The following CATSPER4 variants were observed in gnomAD, a reference collection of about 807,000 sequenced individuals.
CATSPER4 encodes the protein cation channel sperm-associated protein 4.
A neutral mutation model predicts 54.4 loss-of-function variants in CATSPER4; 46 were observed. That is an observed-to-expected ratio of 0.84 (90% CI 0.67 to 1.08). The LOEUF is 1.08. CATSPER4 is among the 50% of genes least tolerant of loss of function. The pLI, the probability that CATSPER4 is intolerant of heterozygous loss-of-function variation, is 0.00. For synonymous variants in CATSPER4, 230 were observed against 231.9 expected (o/e 0.99, Z 0.08); for missense variants, 574 against 612.8 (o/e 0.94, Z 0.67).
chr1:26,200,372 A>G (rs994791011), intron 7 of CATSPER4, among the ~76,000 whole-genome samples: 4 of 152,180 alleles, frequency 2.6e-5, no homozygotes, highest in Admixed American at 2.0e-4. Context: ...CTTAACTCAT[A>G]GGGTTATTTT....
intron 2 of CATSPER4, 101 bp downstream of exon 2, chr1:26,191,531 T>C: frequency 7.4e-7 from 1 of 1,356,908 alleles, no homozygotes; most frequent in Non-Finnish European, 1.0e-6. Flanking sequence ...GATGGTTGGA[T>C]TGGATGCTCT....
Position 26,198,014 on chromosome 1 carries a change from C to T in CATSPER4, c.615C>T (p.Arg205=), listed in dbSNP as rs759483299. The T allele has an allele frequency of 3.6e-5, 58 of 1,613,956 alleles. No homozygotes were observed. The highest frequency in any genetic ancestry group is 1.1e-4 in the South Asian group (10 of 91,090). The change falls in exon 5 of 10, where the codon CGC becomes CGT. Residue 205 remains arginine, a synonymous_variant. Coordinates refer to ENST00000456354, the MANE Select transcript of CATSPER4 (RefSeq NM_198137.2). ...MAVEPLARII[R]VILQSVPDMA... is the part of the protein sequence containing the mutation. Reference sequence around the variant, plus strand: ...TGGAGCCCCTCGCCCGGATCATCCGCGTCATCCTGCAGTCGGTGCCTGACA... The same window carrying T: ...TGGAGCCCCTCGCCCGGATCATCCGTGTCATCCTGCAGTCGGTGCCTGACA...
Position 26,193,794 on chromosome 1 carries a change from A to G in CATSPER4, c.365A>G (p.Tyr122Cys), listed in dbSNP as rs569659645. 19 of 1,609,184 alleles carry G rather than the reference A, an allele frequency of 1.2e-5. No homozygotes were observed. The African/African-American group carries it at 2.0e-4, about 17-fold the overall frequency. The change falls in exon 3 of 10, where the codon TAT becomes TGT. Residue 122 changes from tyrosine (Y) to cysteine (C), a missense_variant. Transcript: ENST00000456354. ...TCTCTGTCTCCCATGTAGAAACACT[A>G]TGAGTTGTTCTCTACCATAGATGAC... Reference protein sequence around the residue: ...RTNSYLDQKHYELFSTIDDIV... With the variant: ...RTNSYLDQKHCELFSTIDDIV...
At position 26,200,043 on chromosome 1, in the gene CATSPER4, A is replaced by T. The variant is rs1419926359; in HGVS notation, c.972A>T (p.Arg324=). The change falls in exon 7 of 10, where the codon CGA becomes CGT. Residue 324 remains arginine (R), a synonymous_variant. Transcript: ENST00000456354. ...MKAGEQGQQQ[R]ITFSETGAEE... ...CAGGAGAGCAGGGACAACAGCAACG[A>T]ATAACCTTTAGTGAGGTGCGTGGGA... 6.2e-7 allele frequency: 1 copy of T among 1,613,508 alleles called. No homozygotes were observed. Among genetic ancestry groups the T allele is most frequent in the Non-Finnish European group, 8.5e-7 (1 of 1,179,758 alleles).
intron 2 of CATSPER4, 107 bp downstream of exon 2, chr1:26,191,537 G>A: frequency 1.5e-6 from 2 of 1,301,240 alleles, no homozygotes; most frequent in East Asian, 2.5e-5. Flanking sequence ...TGGATTGGAT[G>A]CTCTTCAAGG....
chr1:26,199,029 G>A (rs549169226), intron 6 of CATSPER4, among the ~76,000 whole-genome samples: 21 of 152,302 alleles, frequency 1.4e-4, no homozygotes, highest in South Asian at 6.2e-4. Context: ...GGCCGGGGCC[G>A]GGCGCGGTGG....
intron 2 of CATSPER4, among the ~76,000 whole-genome samples, chr1:26,191,945 T>G (rs2088873684): frequency 6.6e-6 from 1 of 151,776 alleles, no homozygotes; most frequent in Admixed American, 6.6e-5. Context: ...ACACTGGAGC[T>G]GAGAGTAAAG....
intron 7 of CATSPER4, among the ~76,000 whole-genome samples, chr1:26,200,436 A>T (rs1274534699): frequency 6.6e-6 from 1 of 152,130 alleles, no homozygotes; most frequent in East Asian, 1.9e-4. Flanking sequence ...GCACTCAATA[A>T]ATGTTAGCTA....
chr1:26,192,911 C>G (rs765223926), intron 2 of CATSPER4, among the ~76,000 whole-genome samples: 26 of 151,722 alleles, frequency 1.7e-4, no homozygotes, highest in Non-Finnish European at 2.8e-4. Flanking sequence ...TCGAGACCAG[C>G]CTGACCAACG....
chr1:26,200,565 T>C (rs2088995726), intron 7 of CATSPER4, among the ~76,000 whole-genome samples: 2 of 151,862 alleles, frequency 1.3e-5, no homozygotes, highest in African/African-American at 4.8e-5. Flanking sequence ...ATAAATTTGC[T>C]GGGTAGGGTT....
At position 26,202,672 on chromosome 1, in the gene CATSPER4, G is replaced by T. The variant is rs952584863; in HGVS notation, c.*130G>T. 6.9e-6 allele frequency: 6 copies of T among 863,678 alleles called. No homozygotes were observed. Among genetic ancestry groups the T allele is most frequent in the Non-Finnish European group, 1.1e-5 (6 of 526,930 alleles). The allele number at this position is 863,678 out of a possible 1,614,324, so 53.5% of individuals were successfully genotyped here. On this transcript the variant is annotated 3_prime_UTR_variant, in exon 10 of 10. Transcript: ENST00000456354. ...CCCTTATACCTGGGCAGAGGCCAGG[G>T]GCTGTGAAGGTGGCAGCACCTGCAG...
chr1:26,195,837 G>A (rs536119624), intron 3 of CATSPER4, among the ~76,000 whole-genome samples: 1 of 152,078 alleles, frequency 6.6e-6, no homozygotes, highest in Non-Finnish European at 1.5e-5. Context: ...GCTCTTGAGG[G>A]AACTCATTCA....
chr1:26,193,404 G>A (rs1408180985), intron 2 of CATSPER4, among the ~76,000 whole-genome samples: 9 of 152,120 alleles, frequency 5.9e-5, no homozygotes, highest in African/African-American at 2.2e-4. Context: ...CCCAATCCTG[G>A]AGGCTGTTCT....
In CATSPER4 at chr1:26,201,049, A is replaced by G; in HGVS notation, c.1199+8A>G. 6.2e-7 allele frequency: 1 copy of G among 1,606,924 alleles called. No individual in the cohort carries two copies. The highest frequency in any genetic ancestry group is 2.2e-5 in the East Asian group (1 of 44,826). ...CCGAGATGAACTCAACATGTAGGGG[A>G]GGGTACTGGGGCTGCCCCCAAGTCA... On this transcript the variant is annotated splice_region_variant and intron_variant, in intron 8 of 9. Transcript: ENST00000456354.
Position 26,201,061 on chromosome 1 carries a change from CTGCCCCCAA to C in CATSPER4, c.1199+21_1199+29del. ...CAACATGTAGGGGAGGGTACTGGGG[CTGCCCCCAA>C]GTCATGTGAGTCAAGGCTGGGCGGA... On this transcript the variant is annotated intron_variant, in intron 8 of 9. Transcript: ENST00000456354. 1 of 1,586,660 alleles carries C rather than the reference CTGCCCCCAA, an allele frequency of 6.3e-7. No homozygotes were observed.
rs1430003606 is a variant in CATSPER4 at position 26,201,330 on chromosome 1, A to G, written c.1200-24A>G. On this transcript the variant is annotated intron_variant, in intron 8 of 9. Coordinates refer to ENST00000456354, the MANE Select transcript of CATSPER4 (RefSeq NM_198137.2). ...CTTCCCTCCCCTGAGGCCTTCTGAA[A>G]GGCACTCACTGCTCCACCCCCAGGA... 4 of 1,612,946 alleles carry G rather than the reference A, an allele frequency of 2.5e-6. No homozygotes were observed. In the Admixed American group the frequency reaches 6.7e-5, roughly 27 times the overall value.
At chr1:26,200,196 C>A in intron 7 of CATSPER4, 138 bp downstream of exon 7, 1 of 991,814 alleles carries the variant, frequency 1.0e-6, no homozygotes, top group Non-Finnish European at 1.5e-6. Flanking sequence ...GGCAGCAGCC[C>A]CCCATCTTGA....
chr1:26,197,520 G>A (rs568760265), intron 3 of CATSPER4, among the ~76,000 whole-genome samples, 166 bp from the exon 4 acceptor site: 90 of 152,268 alleles, frequency 5.9e-4, no homozygotes, highest in Non-Finnish European at 8.8e-5. Flanking sequence ...CGTGTGTTTT[G>A]TGGCTTGTTT....
intron 3 of CATSPER4, among the ~76,000 whole-genome samples, 154 bp from the exon 4 acceptor site, chr1:26,197,532 G>C (rs1289594578): frequency 6.6e-6 from 1 of 152,132 alleles, no homozygotes; most frequent in African/African-American, 2.4e-5. Context: ...GGCTTGTTTG[G>C]GGGGCGGCAG....
Sources: allele counts gnomAD v4.1 joint callset (sites outside exome capture counted in the v4.1 genomes callset), GRCh38; gene constraint gnomAD v4.1.1; transcripts MANE v1.5; gene names NCBI Gene and HGNC (gene_info 2026-07-23, HGNC 2026-07-21).